The following STAG1 variants were observed in gnomAD, a reference collection of about 807,000 sequenced individuals.
STAG1 encodes the protein STAG1 cohesin complex component, also known as cohesin subunit SA-1.
In STAG1, 26 loss-of-function variants were observed where a neutral mutation model predicts 170.9. That is an observed-to-expected ratio of 0.15 (90% confidence interval 0.11 to 0.21). The LOEUF is 0.21. Among genes scored for constraint, STAG1 ranks in the 10% least tolerant of loss-of-function variants. The pLI, the probability that STAG1 is intolerant of heterozygous loss-of-function variation, is 1.00. For synonymous variants in STAG1, 514 were observed against 497.7 expected, an observed-to-expected ratio of 1.03 and a Z score of -0.44; for missense variants, 964 against 1,509.5, an observed-to-expected ratio of 0.64 and a Z score of 5.99.
At chr3:136,396,717 A>G (rs1025583820) in intron 22 of STAG1, among the ~76,000 whole-genome samples, 1 of 145,814 alleles carries the variant, frequency 6.9e-6, no homozygotes, top group South Asian at 2.2e-4. Context: ...TAGTAGAGAC[A>G]GGGTTTCACC....
chr3:136,677,035 AT>A (rs749885265), intron 1 of STAG1, among the ~76,000 whole-genome samples: 19 of 152,132 alleles, frequency 1.2e-4, no homozygotes, highest in Non-Finnish European at 2.1e-4. Context: ...TATGATAACA[AT>A]ACCTTCCCTC....
rs1007577294 is a variant in STAG1 at position 136,604,170 on chromosome 3, T to G, written c.297+139A>C. 10 of 711,048 alleles carry G rather than the reference T, an allele frequency of 1.4e-5. No individual in the cohort carries two copies. The African/African-American group carries it at 1.8e-4, about 13-fold the overall frequency. 44.0% of individuals were successfully genotyped at this position (711,048 alleles called of 1,614,324 possible). A position where few individuals can be genotyped will look rare whatever the true frequency, so the allele number is the denominator to read the frequency against. ...ACACTCTTTGCAAAACAAAGCAAAA[T>G]AATAACCTTTCAGGATAAACTGAAA... On this transcript the variant is annotated intron_variant, in intron 4 of 33. Coordinates refer to ENST00000383202, the MANE Select transcript of STAG1 (RefSeq NM_005862.3).
intron 1 of STAG1, among the ~76,000 whole-genome samples, chr3:136,744,891 G>T (rs1934858883): frequency 6.6e-6 from 1 of 152,024 alleles, no homozygotes; most frequent in Non-Finnish European, 1.5e-5. Context: ...GGCCACACTG[G>T]TCTCCAACTT....
intron 26 of STAG1, among the ~76,000 whole-genome samples, chr3:136,361,888 A>G (rs920724866): frequency 5.9e-5 from 9 of 152,008 alleles, no homozygotes; most frequent in African/African-American, 2.2e-4. Context: ...CTGGAATTAC[A>G]TGTGTGAGCC....
chr3:136,541,894 A>G (rs1237774083), intron 6 of STAG1, among the ~76,000 whole-genome samples: 2 of 152,116 alleles, frequency 1.3e-5, no homozygotes, highest in Non-Finnish European at 2.9e-5. Context: ...ACCTCATATC[A>G]CTAATTTTCT....
At chr3:136,492,467 T>G (rs1252441125) in intron 9 of STAG1, among the ~76,000 whole-genome samples, 8 of 152,192 alleles carry the variant, frequency 5.3e-5, no homozygotes, top group Admixed American at 3.3e-4. Flanking sequence ...GATTCTGAAT[T>G]CAAGACTGCA....
chr3:136,467,017 A>C lies in STAG1; in HGVS notation c.1206-2029T>G, dbSNP rs978182187. On this transcript the variant is annotated intron_variant, in intron 12 of 33. Coordinates refer to ENST00000383202, the MANE Select transcript of STAG1 (RefSeq NM_005862.3). ...TCCTGAAGGAAGCACTAAACATGGAAAGGAACAACCAGTACCAGCCACTGC... is the reference window on the plus strand; with the variant it reads ...TCCTGAAGGAAGCACTAAACATGGACAGGAACAACCAGTACCAGCCACTGC... Among the ~76,000 whole-genome samples, 44 of 152,342 alleles carry C rather than the reference A, an allele frequency of 2.9e-4. 1 individual carries two copies. The highest frequency in any genetic ancestry group is 1.0e-3 in the African/African-American group (43 of 41,582).
chr3:136,706,852 A>G (rs991357947), intron 1 of STAG1, among the ~76,000 whole-genome samples: 2 of 152,226 alleles, frequency 1.3e-5, no homozygotes, highest in African/African-American at 2.4e-5. Context: ...TGGTATTCGC[A>G]TAAGGACAGA....
intron 1 of STAG1, among the ~76,000 whole-genome samples, chr3:136,692,891 G>A (rs1417809487): frequency 6.6e-6 from 1 of 152,130 alleles, no homozygotes; most frequent in African/African-American, 2.4e-5. Context: ...TTCAATTAGG[G>A]ATGTATTACA....
At chr3:136,408,879 G>A (rs759273193) in intron 21 of STAG1, among the ~76,000 whole-genome samples, 1 of 152,158 alleles carries the variant, frequency 6.6e-6, no homozygotes, top group Admixed American at 6.5e-5. Flanking sequence ...ATAATCAGAA[G>A]TATGTAACTA....
chr3:136,699,091 G>C (rs1051557309), intron 1 of STAG1, among the ~76,000 whole-genome samples: 2 of 152,042 alleles, frequency 1.3e-5, no homozygotes, highest in Non-Finnish European at 2.9e-5. Flanking sequence ...AGGGTGTGAG[G>C]GTTAAAAGCC....
At chr3:136,579,958 ATTTTTTTT>A (rs749325884) in intron 4 of STAG1, among the ~76,000 whole-genome samples, 29 of 73,648 alleles carry the variant, frequency 3.9e-4, no homozygotes, top group East Asian at 1.5e-3. Context: ...TACCATCTGA[ATTTTTTTT>A]TTTTTTTTTT....
chr3:136,751,172 G>GTTTTTT (rs776717703), intron 1 of STAG1, among the ~76,000 whole-genome samples: 6 of 136,152 alleles, frequency 4.4e-5, no homozygotes, highest in Non-Finnish European at 9.4e-5. Context: ...GACAAATTGC[G>GTTTTTT]TTTTTTTTTT....
intron 1 of STAG1, among the ~76,000 whole-genome samples, chr3:136,739,583 G>A (rs1159753848): frequency 6.6e-6 from 1 of 151,748 alleles, no homozygotes; most frequent in East Asian, 1.9e-4. Flanking sequence ...ACTTTTGGGA[G>A]GTCAAGGCAG....
chr3:136,489,985 A>G (rs1332459589), intron 9 of STAG1, among the ~76,000 whole-genome samples: 2 of 152,164 alleles, frequency 1.3e-5, no homozygotes, highest in Admixed American at 1.3e-4. Context: ...TTAAATACAA[A>G]TATTTCATTT....
chr3:136,532,272 T>C (rs1400370037), intron 6 of STAG1, among the ~76,000 whole-genome samples: 3 of 152,170 alleles, frequency 2.0e-5, no homozygotes, highest in African/African-American at 7.2e-5. Flanking sequence ...TTGACTTTGG[T>C]TTGCTAGAAT....
At chr3:136,407,566 A>G (rs548698319) in intron 21 of STAG1, among the ~76,000 whole-genome samples, 1 of 151,986 alleles carries the variant, frequency 6.6e-6, no homozygotes, top group Admixed American at 6.6e-5. Context: ...GGTTCAAGTC[A>G]TTCTCATGCC....
At chr3:136,750,056 A>G (rs372956343) in intron 1 of STAG1, among the ~76,000 whole-genome samples, 2 of 152,218 alleles carry the variant, frequency 1.3e-5, no homozygotes, top group African/African-American at 4.8e-5. Flanking sequence ...GAACATACAC[A>G]GAGTCAGAAT....
intron 4 of STAG1, among the ~76,000 whole-genome samples, chr3:136,580,819 C>A (rs113561359): frequency 4.6e-5 from 7 of 152,124 alleles, no homozygotes; most frequent in African/African-American, 1.4e-4. Context: ...AGGCGTGAGC[C>A]ACCGCACCCG....
Sources: gnomAD v4.1 joint callset for allele counts (sites outside exome capture counted in the v4.1 genomes callset) on GRCh38, gnomAD v4.1.1 for gene constraint, MANE v1.5 for transcripts, NCBI Gene and HGNC (gene_info 2026-07-23, HGNC 2026-07-21) for gene names.